The following UCK2 variants were observed in gnomAD, a reference collection of about 807,000 sequenced individuals.
The protein encoded by UCK2 is uridine-cytidine kinase 2, also known as cytidine monophosphokinase 2.
In UCK2, 6 loss-of-function variants were observed where a neutral mutation model predicts 30.8. The ratio of observed to expected loss-of-function variants is 0.19; its 90% confidence interval spans 0.11 to 0.38. The LOEUF is 0.38. Among genes scored for constraint, UCK2 ranks in the 10% least tolerant of loss-of-function variants. The probability of loss-of-function intolerance (pLI) is 1.00; values close to 1 mark genes in which losing one functional copy is unlikely to be tolerated. For synonymous variants in UCK2, 125 were observed against 133.6 expected, an observed-to-expected ratio of 0.94 and a Z score of 0.45; for missense variants, 210 against 339.8, an observed-to-expected ratio of 0.62 and a Z score of 3.00.
At chr1:165,860,747 G>T (rs115620295) in intron 1 of UCK2, among the ~76,000 whole-genome samples, 1 of 152,044 alleles carries the variant, frequency 6.6e-6, no homozygotes, top group Admixed American at 6.5e-5. Flanking sequence ...ACAGCGCCCC[G>T]CCCCAGAGTG....
intron 4 of UCK2, among the ~76,000 whole-genome samples, chr1:165,896,890 G>C (rs554097642): frequency 6.6e-6 from 1 of 152,228 alleles, no homozygotes; most frequent in South Asian, 2.1e-4. Flanking sequence ...CCTGTGCTAA[G>C]TCCCTGTGCT....
At chr1:165,901,674 A>C (rs1647471077) in intron 4 of UCK2, among the ~76,000 whole-genome samples, 2 of 152,206 alleles carry the variant, frequency 1.3e-5, no homozygotes, top group South Asian at 2.1e-4. Context: ...GGTTAGATTA[A>C]GATAGCATTT....
intron 1 of UCK2, among the ~76,000 whole-genome samples, chr1:165,883,348 A>T (rs1445244696): frequency 6.6e-6 from 1 of 152,166 alleles, no homozygotes; most frequent in Admixed American, 6.5e-5. Context: ...AAATTCAAGG[A>T]CTGATGGCTT....
intron 1 of UCK2, among the ~76,000 whole-genome samples, chr1:165,829,603 G>T (rs990328164): frequency 1.3e-5 from 2 of 152,180 alleles, no homozygotes; most frequent in Non-Finnish European, 2.9e-5. Context: ...TACCACGAGG[G>T]TGAAAACTGC....
At position 165,909,169 on chromosome 1, in the gene UCK2, G is replaced by A. The variant is rs1486815960; in HGVS notation, c.*1346G>A. On this transcript the variant is annotated 3_prime_UTR_variant, in exon 7 of 7. Transcript: ENST00000367879. ...CTAGCTTTCCTGAGAGCTGCTGCTT[G>A]GTGGTAGTGTTTTCTCTGGAAGTAC... 1 of 152,162 alleles carries A rather than the reference G, an allele frequency of 6.6e-6. No individual in the cohort carries two copies. Among genetic ancestry groups the A allele is most frequent in the Non-Finnish European group, 1.5e-5 (1 of 68,064 alleles). The allele number at this position is 152,162 out of a possible 1,614,324, so 9.4% of individuals were successfully genotyped here.
intron 1 of UCK2, among the ~76,000 whole-genome samples, chr1:165,871,307 T>A (rs554787874): frequency 1.2e-4 from 18 of 152,294 alleles, no homozygotes; most frequent in African/African-American, 4.3e-4. Flanking sequence ...AACAAATGGC[T>A]TTCATCTGGG....
chr1:165,861,225 C>A (rs140323424), intron 1 of UCK2, among the ~76,000 whole-genome samples: 1 of 152,114 alleles, frequency 6.6e-6, no homozygotes, highest in East Asian at 1.9e-4. Context: ...CCCAGAGGTC[C>A]CACCTCTTAA....
chr1:165,904,449 A>C (rs1647583740), intron 5 of UCK2, among the ~76,000 whole-genome samples: 1 of 152,212 alleles, frequency 6.6e-6, no homozygotes, highest in African/African-American at 2.4e-5. Flanking sequence ...CTTTCCACCC[A>C]GTTATCTATC....
At chr1:165,846,240 T>A (rs1654444795) in intron 1 of UCK2, among the ~76,000 whole-genome samples, 1 of 152,172 alleles carries the variant, frequency 6.6e-6, no homozygotes, top group Non-Finnish European at 1.5e-5. Flanking sequence ...AGTTTGAGGT[T>A]ACAGTGAGCT....
chr1:165,903,016 T>C (rs1647532834), intron 4 of UCK2, 166 bp from the exon 5 acceptor site: 1 of 495,696 alleles, frequency 2.0e-6, no homozygotes, highest in Non-Finnish European at 3.6e-6. Flanking sequence ...ACTTGTCTTT[T>C]CCGAAGCCGC....
At chr1:165,890,413 G>C in intron 2 of UCK2, 50 bp downstream of exon 2, 1 of 1,571,102 alleles carries the variant, frequency 6.4e-7, no homozygotes, top group Non-Finnish European at 8.7e-7. Context: ...GTGTTGGGGG[G>C]AATAGTTTTA....
rs1348255105 is a variant in UCK2, at chr1:165,908,293, T to C, written c.*470T>C. 1 of 153,520 alleles carries C rather than the reference T, an allele frequency of 6.5e-6. No individual in the cohort carries two copies. The highest frequency in any genetic ancestry group is 2.0e-4 in the South Asian group (1 of 4,922). 9.5% of individuals were successfully genotyped at this position (153,520 alleles called of 1,614,324 possible). A position where few individuals can be genotyped will look rare whatever the true frequency, so the allele number is the denominator to read the frequency against. ...GACAGGGAGGGTGGCTAAGGTCCAG[T>C]TGCTTTTGAGTGCCCCGTGGAACTT... On this transcript the variant is annotated 3_prime_UTR_variant, in exon 7 of 7. Coordinates refer to ENST00000367879, the MANE Select transcript of UCK2 (RefSeq NM_012474.5).
rs1354688717 is a variant in UCK2, at chr1:165,837,641, T to G, written c.99+9709T>G. ...CTTGCCCTGTGTGGTCCTTGCTTGT[T>G]TAGTCTATCTTCTCTAGACTGAGCT... is the stretch of plus-strand genomic sequence containing the variant. On this transcript the variant is annotated intron_variant, in intron 1 of 6. Coordinates refer to ENST00000367879, the MANE Select transcript of UCK2 (RefSeq NM_012474.5). Among the ~76,000 whole-genome samples the G allele has an allele frequency of 3.3e-5, 5 of 152,364 alleles. No individual in the cohort carries two copies. In the East Asian group the frequency reaches 5.8e-4, roughly 18 times the overall value.
chr1:165,869,551 C>G (rs1655143055), intron 1 of UCK2, among the ~76,000 whole-genome samples: 1 of 150,980 alleles, frequency 6.6e-6, no homozygotes, highest in Non-Finnish European at 1.5e-5. Context: ...CAGCAGTGCA[C>G]AAGAATTCCT....
intron 1 of UCK2, among the ~76,000 whole-genome samples, chr1:165,833,865 T>G (rs972024662): frequency 5.3e-5 from 8 of 152,160 alleles, no homozygotes; most frequent in Non-Finnish European, 7.3e-5. Context: ...TTAAACCATT[T>G]CAGTCATTAA....
chr1:165,835,661 TGTC>T (rs1654168946), intron 1 of UCK2, among the ~76,000 whole-genome samples: 1 of 152,236 alleles, frequency 6.6e-6, no homozygotes, highest in Non-Finnish European at 1.5e-5. Context: ...TTTGACCTAT[TGTC>T]ATACATTTTA....
intron 1 of UCK2, among the ~76,000 whole-genome samples, chr1:165,858,288 C>T (rs958589731): frequency 1.4e-4 from 21 of 152,136 alleles, no homozygotes; most frequent in African/African-American, 4.8e-4. Context: ...GAAGTTGCTC[C>T]ACCAGTAAGA....
intron 1 of UCK2, among the ~76,000 whole-genome samples, chr1:165,881,765 G>A (rs754592774): frequency 2.0e-5 from 3 of 152,130 alleles, no homozygotes; most frequent in Non-Finnish European, 4.4e-5. Context: ...TCCAAGTGCT[G>A]GTGAGTCTAA....
At position 165,895,163 on chromosome 1, in the gene UCK2, T is replaced by C. The variant is rs551470953; in HGVS notation, c.357-1027T>C. ...GCTTGGTAGCTCATGCCTGTAATCC[T>C]AGCACTTTGGGAGGCTGAGGTGGGT... On this transcript the variant is annotated intron_variant, in intron 3 of 6. Transcript: ENST00000367879. Among the ~76,000 whole-genome samples the C allele has an allele frequency of 3.0e-4, 45 of 152,288 alleles. No homozygotes were observed. In the East Asian group the frequency reaches 7.0e-3, roughly 24 times the overall value.
Sources: allele counts gnomAD v4.1 joint callset (sites outside exome capture counted in the v4.1 genomes callset), GRCh38; gene constraint gnomAD v4.1.1; transcripts MANE v1.5; gene names NCBI Gene and HGNC (gene_info 2026-07-23, HGNC 2026-07-21).